The following MRPL20 variants were observed in gnomAD, a reference collection of about 807,000 sequenced individuals.
The protein encoded by MRPL20 is mitochondrial ribosomal protein L20, also known as large ribosomal subunit protein bL20m.
MRPL20 carries 21 observed loss-of-function variants against 20.0 expected under a neutral mutation model. The ratio of observed to expected loss-of-function variants is 1.05; its 90% CI spans 0.74 to 1.51. MRPL20 has a LOEUF of 1.51. Among genes scored for constraint, MRPL20 ranks in the 40% most tolerant of loss-of-function variants. MRPL20 has a pLI of 0.00. For missense variants in MRPL20, 252 were observed against 185.6 expected (o/e 1.36, Z -2.08); for synonymous variants, 104 against 73.0 (o/e 1.43, Z -2.17).
At position 1,406,807 on chromosome 1, in the gene MRPL20, GGGCTGAGGGT is replaced by G. The variant is rs1183064025; in HGVS notation, c.198+92_198+101del. 50 of 974,502 alleles carry G rather than the reference GGGCTGAGGGT, an allele frequency of 5.1e-5. No individual in the cohort carries two copies. The East Asian group carries it at 1.2e-3, about 23-fold the overall frequency. The allele number at this position is 974,502 out of a possible 1,614,324, so 60.4% of individuals were successfully genotyped here. A position where few individuals can be genotyped will look rare whatever the true frequency, so the allele number is the denominator to read the frequency against. ...TTTCGAAGCAAGGTATGAAAGGAAG[GGGCTGAGGGT>G]GGCCGGGCGGCTGCACACTAGCTGG... is the stretch of plus-strand genomic sequence containing the variant. On this transcript the variant is annotated intron_variant, in intron 2 of 3. Coordinates refer to ENST00000344843, the MANE Select transcript of MRPL20 (RefSeq NM_017971.4).
At chr1:1,404,450 G>A (rs2100395428) in intron 3 of MRPL20, among the ~76,000 whole-genome samples, 1 of 151,828 alleles carries the variant, frequency 6.6e-6, no homozygotes, top group African/African-American at 2.4e-5. Flanking sequence ...CACCGCGCCT[G>A]GCCTGTTTAA....
intron 2 of MRPL20, chr1:1,406,212 T>C (rs552270375): frequency 3.9e-6 from 1 of 256,192 alleles, no homozygotes; most frequent in South Asian, 4.7e-5. Flanking sequence ...AAAAAATAGC[T>C]TGGTGGCGCA....
chr1:1,402,461 C>T, intron 3 of MRPL20: 1 of 1,326,452 alleles, frequency 7.5e-7, no homozygotes, highest in East Asian at 2.9e-5. Flanking sequence ...GAGGGAAGCA[C>T]CTGTGGAATC....
In MRPL20 at chr1:1,402,234, T is replaced by C. The variant is rs752956375; in HGVS notation, c.299A>G (p.Lys100Arg). The C allele has an allele frequency of 1.2e-5, 19 of 1,612,592 alleles. No homozygotes were observed. In the African/African-American group the frequency reaches 2.3e-4, roughly 19 times the overall value. Residue 100 changes from lysine (K) to arginine (R), a missense_variant, in exon 4 of 4, where the codon AAA becomes AGA. Lys to Arg is a conservative substitution (Grantham distance 26, BLOSUM62 2). Coordinates refer to ENST00000344843, the MANE Select transcript of MRPL20 (RefSeq NM_017971.4). ...GTAGATGGCCAGATCCGCTAGGACT[T>C]TCCTGTTGAGCTCCACCTGGCACTG... The part of the protein sequence containing the change: ...LVKCQVELNR[K>R]VLADLAIYEP...
At chr1:1,405,951 C>G in intron 2 of MRPL20, 65 bp from the exon 3 acceptor site, 1 of 1,554,660 alleles carries the variant, frequency 6.4e-7, no homozygotes, top group Admixed American at 1.9e-5. Flanking sequence ...AGCAAAGCCT[C>G]TAATTGATCT....
Position 1,405,796 on chromosome 1 carries a change from T to A in MRPL20, c.276+13A>T, listed in dbSNP as rs749742869. On this transcript the variant is annotated intron_variant, in intron 3 of 3. Transcript: ENST00000344843. The stretch of plus-strand genomic sequence containing the variant: ...GTCCAGAATTTCAGTGGGACCCACA[T>A]ACTCACCCATACCTTAACTAAATTC... 6 of 1,614,150 alleles carry A rather than the reference T, an allele frequency of 3.7e-6. No individual in the cohort carries two copies. Among genetic ancestry groups the A allele is most frequent in the Non-Finnish European group, 5.1e-6 (6 of 1,180,022 alleles).
intron 1 of MRPL20, 55 bp downstream of exon 1, chr1:1,407,076 T>C: frequency 2.5e-6 from 4 of 1,608,384 alleles, no homozygotes; most frequent in South Asian, 1.1e-5. Context: ...GGCCGCCCCT[T>C]GGCCCGCGGG....
chr1:1,405,094 A>G (rs1031148254), intron 3 of MRPL20: 2 of 153,062 alleles, frequency 1.3e-5, no homozygotes, highest in African/African-American at 4.9e-5. Context: ...AATTCAAGCA[A>G]TTCTCCTGCC....
chr1:1,406,811 T>C, intron 2 of MRPL20, 98 bp downstream of exon 2: 1 of 1,019,656 alleles, frequency 9.8e-7, no homozygotes, highest in South Asian at 1.3e-5. Flanking sequence ...AGGAAGGGGC[T>C]GAGGGTGGCC....
rs377661127 is a variant in MRPL20 at position 1,407,257 on chromosome 1, C to T, written c.-40G>A. The stretch of plus-strand genomic sequence containing the variant: ...GGCGTCCCGAACACTCAACAACGCA[C>T]GCGCAGCGCCGCTGCCATCTTGCCC... On this transcript the variant is annotated 5_prime_UTR_variant, in exon 1 of 4. In the 5' UTR this introduces an upstream ATG that the reference lacks. Coordinates refer to ENST00000344843, the MANE Select transcript of MRPL20 (RefSeq NM_017971.4). 1.3e-6 allele frequency: 2 copies of T among 1,509,490 alleles called. No individual in the cohort carries two copies. The highest frequency in any genetic ancestry group is 1.8e-6 in the Non-Finnish European group (2 of 1,108,210). The allele number at this position is 1,509,490 out of a possible 1,614,324, so 93.5% of individuals were successfully genotyped here.
At chr1:1,403,803 T>C (rs143451910) in intron 3 of MRPL20, among the ~76,000 whole-genome samples, 1 of 152,352 alleles carries the variant, frequency 6.6e-6, no homozygotes, top group Non-Finnish European at 1.5e-5. Context: ...TGTAAGTTCC[T>C]ATTTCACCTG....
At chr1:1,404,184 C>T (rs1241705875) in intron 3 of MRPL20, among the ~76,000 whole-genome samples, 1 of 151,184 alleles carries the variant, frequency 6.6e-6, no homozygotes, top group Non-Finnish European at 1.5e-5. Context: ...GATGGAGTCT[C>T]GCTCTGTCGA....
At chr1:1,405,582 CTTAG>C in intron 3 of MRPL20, 1 of 754,410 alleles carries the variant, frequency 1.3e-6, no homozygotes, top group South Asian at 1.5e-5. Context: ...TTCACCCCTC[CTTAG>C]GCAACGTGGT....
At chr1:1,406,866 C>T (rs990777253) in intron 2 of MRPL20, 43 bp downstream of exon 2, 5 of 1,550,228 alleles carry the variant, frequency 3.2e-6, no homozygotes, top group Admixed American at 3.3e-5. Flanking sequence ...AACGCAGGGG[C>T]CGCGAGTGCG....
At chr1:1,402,362 G>A (rs908330565) in intron 3 of MRPL20, 106 bp from the exon 4 acceptor site, 47 of 1,451,598 alleles carry the variant, frequency 3.2e-5, no homozygotes, top group Non-Finnish European at 4.1e-5. Flanking sequence ...CACTCGCCTG[G>A]GGGGAGGGAA....
chr1:1,405,738 A>G (rs759862000), intron 3 of MRPL20, 71 bp downstream of exon 3: 577 of 1,613,628 alleles, frequency 3.6e-4, no homozygotes, highest in Non-Finnish European at 4.6e-4. Context: ...TACAGGAAGC[A>G]CCACCACGCC....
At chr1:1,404,832 G>GT (rs1332028484) in intron 3 of MRPL20, among the ~76,000 whole-genome samples, 1 of 152,058 alleles carries the variant, frequency 6.6e-6, no homozygotes, top group East Asian at 1.9e-4. Flanking sequence ...GACGTGCCCT[G>GT]TTTCCAATTC....
chr1:1,403,127 C>CTAAAAAAA (rs1645348578), intron 3 of MRPL20, among the ~76,000 whole-genome samples: 1 of 138,474 alleles, frequency 7.2e-6, no homozygotes, highest in African/African-American at 2.7e-5. Flanking sequence ...AGATTGTATC[C>CTAAAAAAA]AAAAAAAAAA....
intron 3 of MRPL20, chr1:1,405,374 C>T: frequency 2.0e-6 from 1 of 508,012 alleles, no homozygotes; most frequent in African/African-American, 1.9e-5. Flanking sequence ...CCTGGGGGCT[C>T]AAAGTGATCC....
Sources: gnomAD v4.1 joint callset for allele counts (sites outside exome capture counted in the v4.1 genomes callset) on GRCh38, gnomAD v4.1.1 for gene constraint, MANE v1.5 for transcripts, NCBI Gene and HGNC (gene_info 2026-07-23, HGNC 2026-07-21) for gene names.